The following CNIH3 variants were observed in gnomAD, a reference collection of about 807,000 sequenced individuals.
The protein encoded by CNIH3 is protein cornichon homolog 3.
A neutral mutation model predicts 24.1 loss-of-function variants in CNIH3; 14 were observed. That is an observed-to-expected ratio of 0.58 (90% confidence interval 0.38 to 0.91). CNIH3 has a LOEUF of 0.91. Among genes scored for constraint, CNIH3 ranks in the 40% least tolerant of loss-of-function variants. The pLI, the probability that CNIH3 is intolerant of heterozygous loss-of-function variation, is 0.00. For synonymous variants in CNIH3, 68 were observed against 73.8 expected (o/e 0.92, Z 0.40); for missense variants, 178 against 196.8 (o/e 0.90, Z 0.57).
chr1:224,470,311 C>T (rs1039574993), intron 1 of CNIH3, among the ~76,000 whole-genome samples: 1 of 150,742 alleles, frequency 6.6e-6, no homozygotes, highest in Non-Finnish European at 1.5e-5. Context: ...AGCCACTGTG[C>T]CTGGCCTTTT....
chr1:224,737,994 C>A (rs960461797), intron 5 of CNIH3, among the ~76,000 whole-genome samples: 7 of 152,222 alleles, frequency 4.6e-5, no homozygotes, highest in Non-Finnish European at 7.3e-5. Context: ...CACCCTCCTG[C>A]GTGGTTATTC....
In CNIH3 at chr1:224,549,722, T is replaced by C. The variant is rs1679839988; in HGVS notation, n.450+2783T>C. Among the ~76,000 whole-genome samples, 4 of 152,238 alleles carry C rather than the reference T, an allele frequency of 2.6e-5. No homozygotes were observed. The South Asian group carries it at 8.3e-4, about 32-fold the overall frequency. On this transcript the variant is annotated intron_variant and non_coding_transcript_variant, in intron 3 of 5. Coordinates refer to the CNIH3 transcript ENST00000471578. ...GGATATTATAAAACTATGAGAGTGATGATATTTCATTAATATCATGGTGTG... is the reference window on the plus strand; with the variant it reads ...GGATATTATAAAACTATGAGAGTGACGATATTTCATTAATATCATGGTGTG...
chr1:224,715,893 A>G (rs1235553969), intron 3 of CNIH3, among the ~76,000 whole-genome samples: 2 of 152,170 alleles, frequency 1.3e-5, no homozygotes. Context: ...TCAACATGAG[A>G]TTTGGAGAGG....
In CNIH3 at chr1:224,739,379, A is replaced by G; in HGVS notation, c.*23A>G. On this transcript the variant is annotated 3_prime_UTR_variant, in exon 6 of 6. Coordinates refer to ENST00000272133, the MANE Select transcript of CNIH3 (RefSeq NM_152495.2). ...TAACGCAAAGACCATGCACATCATC[A>G]GAGACTGAGATGGGAGAGGCCTGAG... is the stretch of plus-strand genomic sequence containing the variant. The G allele has an allele frequency of 6.3e-7, 1 of 1,591,618 alleles. No homozygotes were observed.
intron 1 of CNIH3, among the ~76,000 whole-genome samples, chr1:224,660,211 C>T (rs1222174481): frequency 6.6e-6 from 1 of 152,138 alleles, no homozygotes; most frequent in African/African-American, 2.4e-5. Context: ...CTGGGGAAGC[C>T]TTACAATCAC....
rs1224831244 is a variant in CNIH3 at position 224,458,090 on chromosome 1, T to C, written n.203+23228T>C. ...GCAGGATATTCCCTTCCAGGGCTCC[T>C]ACCCTCTCCTGATTTTGCATCCAGG... On this transcript the variant is annotated intron_variant and non_coding_transcript_variant, in intron 1 of 5. Coordinates refer to the CNIH3 transcript ENST00000471578. The surrounding 1 kb of genome is among the most constrained non-coding windows in gnomAD (Gnocchi z 4.3). Among the ~76,000 whole-genome samples the C allele has an allele frequency of 6.6e-6, 1 of 152,228 alleles. No homozygotes were observed. The highest frequency in any genetic ancestry group is 2.4e-5 in the African/African-American group (1 of 41,466).
chr1:224,636,535 A>G (rs12092532), intron 1 of CNIH3, among the ~76,000 whole-genome samples: 36,111 of 152,116 alleles, frequency 0.24, 4,642 homozygotes, highest in East Asian at 0.38. Context: ...AAGAACAAAA[A>G]CTTGATCTTT....
At chr1:224,529,512 A>C (rs1678979393) in intron 2 of CNIH3, 1 of 152,184 alleles carries the variant, frequency 6.6e-6, no homozygotes, top group Non-Finnish European at 1.5e-5. Context: ...AAAGTACTCA[A>C]TATTAGCAAA....
At chr1:224,660,482 C>T (rs1415261304) in intron 1 of CNIH3, among the ~76,000 whole-genome samples, 2 of 152,066 alleles carry the variant, frequency 1.3e-5, no homozygotes, top group Non-Finnish European at 2.9e-5. Flanking sequence ...TCAATAAGAA[C>T]ACATCTTCTT....
At position 224,679,213 on chromosome 1, in the gene CNIH3, G is replaced by A. The variant is rs571485436; in HGVS notation, c.82-1745G>A. On this transcript the variant is annotated intron_variant, in intron 1 of 5. Coordinates refer to ENST00000272133, the MANE Select transcript of CNIH3 (RefSeq NM_152495.2). ...TTTTTTTTTGTACATGGTGGCACAC[G>A]CCTGTAATCCTAGCTACTCGAGAAG... 1.7e-3 allele frequency among the ~76,000 whole-genome samples: 254 copies of A among 151,750 alleles called. 2 individuals are homozygous for A. The highest frequency in any genetic ancestry group is 1.8e-3 in the Non-Finnish European group (123 of 67,966).
At chr1:224,491,601 T>A (rs1479100815) in intron 1 of CNIH3, among the ~76,000 whole-genome samples, 1 of 152,138 alleles carries the variant, frequency 6.6e-6, no homozygotes, top group Non-Finnish European at 1.5e-5. Context: ...ATTTACTTTA[T>A]TTTTTATTTA....
chr1:224,561,781 T>A (rs1419717835), intron 3 of CNIH3, among the ~76,000 whole-genome samples: 1 of 152,216 alleles, frequency 6.6e-6, no homozygotes, highest in Non-Finnish European at 1.5e-5. Flanking sequence ...GTATCTTGCA[T>A]GTCTGGTTCA....
rs541067252 is a variant in CNIH3 at position 224,711,112 on chromosome 1, C to T, written c.199-19350C>T. ...ACAAACCCAGAGAAAAATGTTTTAA[C>T]GCACATATAAATTAAACGCGATCCG... On this transcript the variant is annotated intron_variant, in intron 3 of 5. Transcript: ENST00000272133. Among the ~76,000 whole-genome samples the T allele has an allele frequency of 4.4e-4, 67 of 152,254 alleles. 1 individual carries two copies. Among genetic ancestry groups the T allele is most frequent in the Admixed American group, 9.8e-4 (15 of 15,296 alleles).
rs184980730 is a variant in CNIH3, at chr1:224,651,102, C to T, written c.82-29856C>T. On this transcript the variant is annotated intron_variant, in intron 1 of 5. Coordinates refer to ENST00000272133, the MANE Select transcript of CNIH3 (RefSeq NM_152495.2). ...ACACGCACAAACACACACCCAAGCC[C>T]CAGTGAACATCGAGCCCAGTGCAGT... is the stretch of plus-strand genomic sequence containing the variant. 3.2e-3 allele frequency among the ~76,000 whole-genome samples: 493 copies of T among 152,144 alleles called. 5 individuals are homozygous for T. The highest frequency in any genetic ancestry group is 0.011 in the African/African-American group (463 of 41,468).
At chr1:224,537,954 A>AT (rs1192933647), downstream of CNIH3, among the ~76,000 whole-genome samples, 27 of 150,474 alleles carry the variant, frequency 1.8e-4, no homozygotes, top group South Asian at 1.9e-3. Flanking sequence ...CATTATTATT[A>AT]TTATTTTTTT....
intron 3 of CNIH3, among the ~76,000 whole-genome samples, chr1:224,720,382 A>G (rs1218620413): frequency 6.6e-6 from 1 of 151,988 alleles, no homozygotes; most frequent in Non-Finnish European, 1.5e-5. Flanking sequence ...CTCTGGAAAC[A>G]TCAGGTTCTT....
intron 1 of CNIH3, among the ~76,000 whole-genome samples, chr1:224,484,069 G>C (rs1291129125): frequency 2.0e-5 from 3 of 151,840 alleles, no homozygotes; most frequent in Non-Finnish European, 2.9e-5. Flanking sequence ...TACTCTGGAG[G>C]CTGAGGCAGG....
chr1:224,651,909 G>A (rs1684876281), intron 1 of CNIH3, among the ~76,000 whole-genome samples: 1 of 152,114 alleles, frequency 6.6e-6, no homozygotes. Context: ...GCTTTCCAAA[G>A]GCTTTATCAG....
At chr1:224,597,331 G>A (rs6696718) in intron 3 of CNIH3, among the ~76,000 whole-genome samples, 3,964 of 152,228 alleles carry the variant, frequency 0.026, 177 homozygotes, top group African/African-American at 0.09. Flanking sequence ...GATCTACCTT[G>A]TCTGACTGTG....
Sources: gnomAD v4.1 joint callset for allele counts (sites outside exome capture counted in the v4.1 genomes callset) on GRCh38, gnomAD v4.1.1 for gene constraint, Gnocchi (gnomAD v3.1) non-coding constraint, MANE v1.5 for transcripts, NCBI Gene and HGNC (gene_info 2026-07-23, HGNC 2026-07-21) for gene names.